Variants in GRID2 observed in about 807,000 individuals in gnomAD.
GRID2 encodes glutamate receptor ionotropic, delta-2.
A neutral mutation model predicts 114.8 loss-of-function variants in GRID2; 33 were observed. That is an observed-to-expected ratio of 0.29 (90% confidence interval 0.22 to 0.38). GRID2 has a LOEUF of 0.38. Among genes scored for constraint, GRID2 ranks in the 10% least tolerant of loss-of-function variants. The pLI, the probability that GRID2 is intolerant of heterozygous loss-of-function variation, is 1.00. For missense variants in GRID2, 1,184 were observed against 1,257.7 expected, an observed-to-expected ratio of 0.94 and a Z score of 0.89; for synonymous variants, 505 against 449.9, an observed-to-expected ratio of 1.12 and a Z score of -1.55.
intron 2 of GRID2, among the ~76,000 whole-genome samples, chr4:92,856,199 T>C (rs1251348098): frequency 6.6e-6 from 1 of 152,070 alleles, no homozygotes; most frequent in African/African-American, 2.4e-5. Flanking sequence ...TCTTCCTTGT[T>C]CCTTGCTTTT....
chr4:92,981,139 G>A (rs1409375083), intron 2 of GRID2, among the ~76,000 whole-genome samples: 3 of 152,004 alleles, frequency 2.0e-5, no homozygotes, highest in African/African-American at 7.2e-5. Context: ...TATCTTTGGT[G>A]TCATTTTAAA....
chr4:93,554,927 T>C (rs780905380), intron 13 of GRID2, among the ~76,000 whole-genome samples: 5 of 152,160 alleles, frequency 3.3e-5, no homozygotes, highest in Non-Finnish European at 7.3e-5. Flanking sequence ...TCATTGGGAC[T>C]GGTTAGACAG....
At chr4:93,307,992 G>A (rs1266268916) in intron 8 of GRID2, among the ~76,000 whole-genome samples, 1 of 151,506 alleles carries the variant, frequency 6.6e-6, no homozygotes, top group Non-Finnish European at 1.5e-5. Context: ...TTAGACATCA[G>A]GTCTGTGAAG....
chr4:93,137,728 A>T (rs1323087844), intron 4 of GRID2, among the ~76,000 whole-genome samples: 1 of 152,094 alleles, frequency 6.6e-6, no homozygotes, highest in African/African-American at 2.4e-5. Flanking sequence ...TGAAAATATC[A>T]TGGGGGATGT....
At chr4:92,356,544 T>A (rs1383872185) in intron 1 of GRID2, among the ~76,000 whole-genome samples, 16 of 151,672 alleles carry the variant, frequency 1.1e-4, no homozygotes, top group Admixed American at 1.1e-3. Context: ...GTATTAACCA[T>A]ATTTATATGT....
At chr4:92,310,454 T>C (rs28429309) in intron 1 of GRID2, among the ~76,000 whole-genome samples, 16,470 of 152,020 alleles carry the variant, frequency 0.11, 2,236 homozygotes, top group African/African-American at 0.32. Context: ...TAGACAGATG[T>C]CTAAAAGATA....
intron 2 of GRID2, among the ~76,000 whole-genome samples, chr4:93,054,274 T>C (rs1449279689): frequency 6.6e-6 from 1 of 151,884 alleles, no homozygotes; most frequent in African/African-American, 2.4e-5. Context: ...AATTAAGATA[T>C]GTTAAAACAA....
intron 1 of GRID2, among the ~76,000 whole-genome samples, chr4:92,332,850 C>T (rs1311740594): frequency 2.0e-5 from 3 of 152,204 alleles, no homozygotes; most frequent in African/African-American, 7.2e-5. Flanking sequence ...TTCCATGTTG[C>T]TCATCCTGGG....
intron 1 of GRID2, among the ~76,000 whole-genome samples, chr4:92,503,304 T>C (rs1723784576): frequency 6.6e-6 from 1 of 152,146 alleles, no homozygotes; most frequent in Admixed American, 6.6e-5. Flanking sequence ...TGTTTTCTGA[T>C]TCTTATGTAA....
intron 2 of GRID2, among the ~76,000 whole-genome samples, chr4:92,931,264 A>T (rs769859711): frequency 6.6e-5 from 10 of 150,588 alleles, no homozygotes; most frequent in East Asian, 3.9e-4. Context: ...AATAGGCATT[A>T]AAAAAAAGCC....
At chr4:92,822,477 C>G in intron 2 of GRID2, 2 of 448,626 alleles carry the variant, frequency 4.5e-6, no homozygotes, top group Non-Finnish European at 8.7e-6. Flanking sequence ...CATAAGACAC[C>G]TACTCTGAGT....
intron 2 of GRID2, among the ~76,000 whole-genome samples, chr4:92,614,999 T>C (rs977753108): frequency 6.6e-6 from 1 of 151,400 alleles, no homozygotes; most frequent in African/African-American, 2.4e-5. Context: ...TTATCTGCTG[T>C]TAATTATCTT....
At chr4:92,536,854 A>C (rs940619009) in intron 1 of GRID2, among the ~76,000 whole-genome samples, 5 of 152,212 alleles carry the variant, frequency 3.3e-5, no homozygotes, top group Non-Finnish European at 5.9e-5. Context: ...TAGACCTGAA[A>C]AAAATGTTTC....
chr4:93,270,014 T>G (rs1751263379), intron 8 of GRID2, among the ~76,000 whole-genome samples: 1 of 152,064 alleles, frequency 6.6e-6, no homozygotes, highest in South Asian at 2.1e-4. Flanking sequence ...AAGTGTTCAG[T>G]TTTTTCCAGT....
intron 1 of GRID2, among the ~76,000 whole-genome samples, chr4:92,577,063 T>C (rs1489115029): frequency 6.6e-6 from 1 of 152,220 alleles, no homozygotes; most frequent in Admixed American, 6.5e-5. Context: ...TTGATTTTAA[T>C]AGGCTTCAGA....
intron 8 of GRID2, among the ~76,000 whole-genome samples, chr4:93,344,095 G>GATGC (rs1339624339): frequency 6.6e-6 from 1 of 151,998 alleles, no homozygotes; most frequent in African/African-American, 2.4e-5. Flanking sequence ...AGTCCTCCTT[G>GATGC]ATGCATGGAG....
At chr4:93,320,237 G>A (rs576922810) in intron 8 of GRID2, among the ~76,000 whole-genome samples, 15 of 152,064 alleles carry the variant, frequency 9.9e-5, no homozygotes, top group Non-Finnish European at 1.9e-4. Context: ...AATCATGTCA[G>A]CGATGATTAT....
At chr4:92,549,151 C>T (rs962461133) in intron 1 of GRID2, among the ~76,000 whole-genome samples, 7 of 149,386 alleles carry the variant, frequency 4.7e-5, no homozygotes, top group Non-Finnish European at 1.0e-4. Flanking sequence ...GAACACTTAC[C>T]AAGTAATCTC....
intron 8 of GRID2, among the ~76,000 whole-genome samples, chr4:93,302,394 A>G (rs1446951578): frequency 1.3e-5 from 2 of 152,358 alleles, no homozygotes; most frequent in East Asian, 3.9e-4. Context: ...TGAAAGCCCC[A>G]TGGGCCGCAT....
Sources: gnomAD v4.1 joint callset for allele counts (sites outside exome capture counted in the v4.1 genomes callset) on GRCh38, gnomAD v4.1.1 for gene constraint, MANE v1.5 for transcripts, NCBI Gene and HGNC (gene_info 2026-07-23, HGNC 2026-07-21) for gene names.